TFDP2: variants seen among roughly 807,000 people sequenced by gnomAD.
TFDP2 encodes transcription factor Dp-2, also known as transcription factor Dp-2 (E2F dimerization partner 2).
Under a neutral mutation model 59.3 loss-of-function variants are expected in TFDP2, and 17 were observed. The ratio of observed to expected loss-of-function variants is 0.29; its 90% confidence interval spans 0.20 to 0.43. The LOEUF (loss-of-function observed/expected upper bound fraction) is 0.43, where lower values mean the gene tolerates loss of function less well. Among genes scored for constraint, TFDP2 ranks in the 20% least tolerant of loss-of-function variants. The pLI, the probability that TFDP2 is intolerant of heterozygous loss-of-function variation, is 1.00. For synonymous variants in TFDP2, 180 were observed against 194.7 expected, an observed-to-expected ratio of 0.92 and a Z score of 0.63; for missense variants, 391 against 528.8, an observed-to-expected ratio of 0.74 and a Z score of 2.56.
chr3:142,051,405 G>A (rs1304007415), intron 3 of TFDP2, among the ~76,000 whole-genome samples: 1 of 152,110 alleles, frequency 6.6e-6, no homozygotes, highest in Non-Finnish European at 1.5e-5. Flanking sequence ...TGGGCGTGGT[G>A]GTGTGCACCT....
intron 3 of TFDP2, among the ~76,000 whole-genome samples, chr3:142,011,660 A>T (rs1257692152): frequency 6.6e-6 from 1 of 151,920 alleles, no homozygotes; most frequent in Non-Finnish European, 1.5e-5. Context: ...AACTTTTTTA[A>T]AAAGGAAACC....
intron 4 of TFDP2, chr3:142,000,419 A>G (rs999666610): frequency 1.4e-5 from 9 of 640,168 alleles, no homozygotes; most frequent in Admixed American, 1.4e-4. Context: ...AATTCCACTC[A>G]TAAGGGTGAA....
chr3:141,950,401 AT>A lies in TFDP2; in HGVS notation c.*2111del, dbSNP rs1468546973. ...GGCCAATGATGGGGCACCAATAAGG[AT>A]AAGAGTCTTTGGCGGCTTTCTTTTT... On this transcript the variant is annotated 3_prime_UTR_variant, in exon 13 of 13. Transcript: ENST00000489671. 1 of 152,282 alleles carries A rather than the reference AT, an allele frequency of 6.6e-6. No homozygotes were observed. The allele number at this position is 152,282 out of a possible 1,614,324, so 9.4% of individuals were successfully genotyped here.
At chr3:142,010,236 C>T (rs757079156) in intron 3 of TFDP2, among the ~76,000 whole-genome samples, 2 of 152,108 alleles carry the variant, frequency 1.3e-5, no homozygotes, top group Admixed American at 6.6e-5. Flanking sequence ...GCAATACTCC[C>T]ATATAAAAAT....
intron 3 of TFDP2, among the ~76,000 whole-genome samples, chr3:142,054,370 C>G (rs891452652): frequency 6.6e-6 from 1 of 152,068 alleles, no homozygotes; most frequent in Non-Finnish European, 1.5e-5. Flanking sequence ...ATGCTAAGTA[C>G]AAGAATCCAG....
intron 1 of TFDP2, among the ~76,000 whole-genome samples, chr3:142,117,166 C>T (rs1254481583): frequency 6.6e-6 from 1 of 152,096 alleles, no homozygotes; most frequent in Non-Finnish European, 1.5e-5. Flanking sequence ...AGTGATCTGC[C>T]CGCCTCCACC....
intron 3 of TFDP2, among the ~76,000 whole-genome samples, chr3:142,053,725 T>C (rs1199749661): frequency 6.6e-6 from 1 of 152,090 alleles, no homozygotes; most frequent in Non-Finnish European, 1.5e-5. Flanking sequence ...AAAAGACACA[T>C]GACAGCCTGG....
intron 4 of TFDP2, among the ~76,000 whole-genome samples, chr3:141,998,830 T>C (rs1943515417): frequency 6.6e-6 from 1 of 152,082 alleles, no homozygotes; most frequent in Non-Finnish European, 1.5e-5. Context: ...ACTCTGAACA[T>C]TTTCCTGCCC....
At chr3:141,956,165 G>C (rs984818373) in intron 11 of TFDP2, among the ~76,000 whole-genome samples, 1 of 152,060 alleles carries the variant, frequency 6.6e-6, no homozygotes, top group African/African-American at 2.4e-5. Flanking sequence ...AGGAAAATCA[G>C]GAAGATTTCT....
At position 142,127,270 on chromosome 3, in the gene TFDP2, G is replaced by C. The variant is rs192437399; in HGVS notation, c.-93+21913C>G. ...CACACCTCAACCTTCTGAGTCGCTAGGACTACAGACAGACATGTTTCACTA... is the reference window on the plus strand; with the variant it reads ...CACACCTCAACCTTCTGAGTCGCTACGACTACAGACAGACATGTTTCACTA... On this transcript the variant is annotated intron_variant, in intron 1 of 12. Transcript: ENST00000489671. Among the ~76,000 whole-genome samples, 211 of 147,472 alleles carry C rather than the reference G, an allele frequency of 1.4e-3. 1 individual carries two copies. The highest frequency in any genetic ancestry group is 3.9e-3 in the Admixed American group (58 of 14,698).
intron 3 of TFDP2, among the ~76,000 whole-genome samples, chr3:142,031,790 C>A (rs539886235): frequency 6.6e-5 from 10 of 152,278 alleles, no homozygotes; most frequent in African/African-American, 2.4e-4. Context: ...ATTTAACAGA[C>A]ACATTTATGA....
At chr3:142,135,812 C>T (rs1041045954) in intron 1 of TFDP2, among the ~76,000 whole-genome samples, 8 of 152,048 alleles carry the variant, frequency 5.3e-5, no homozygotes, top group Admixed American at 3.3e-4. Context: ...CATTGATGGA[C>T]ATTTGGGTTG....
At chr3:141,997,943 T>C (rs990413970) in intron 4 of TFDP2, among the ~76,000 whole-genome samples, 3 of 150,264 alleles carry the variant, frequency 2.0e-5, no homozygotes, top group Admixed American at 6.6e-5. Flanking sequence ...TTTATGAAAA[T>C]GACTTTGAAA....
chr3:142,049,297 G>A (rs964339316), intron 3 of TFDP2, among the ~76,000 whole-genome samples: 2 of 152,212 alleles, frequency 1.3e-5, no homozygotes, highest in Non-Finnish European at 2.9e-5. Context: ...ATGAATGGCA[G>A]AAGGTTGATT....
chr3:142,011,641 AAAAC>A (rs1359547298), intron 3 of TFDP2, among the ~76,000 whole-genome samples: 1 of 151,838 alleles, frequency 6.6e-6, no homozygotes, highest in Non-Finnish European at 1.5e-5. Flanking sequence ...GGAAAAAAAA[AAAAC>A]AACAAACTTT....
chr3:142,054,518 C>A (rs1342863673), intron 3 of TFDP2, among the ~76,000 whole-genome samples: 1 of 152,190 alleles, frequency 6.6e-6, no homozygotes, highest in African/African-American at 2.4e-5. Context: ...CTTAAATCAA[C>A]TATAAACCCT....
chr3:142,123,174 G>A (rs563116583), intron 1 of TFDP2, among the ~76,000 whole-genome samples: 18 of 152,232 alleles, frequency 1.2e-4, no homozygotes, highest in Admixed American at 2.0e-4. Context: ...TCTGACCGAC[G>A]CCCAGGCTGG....
chr3:141,979,730 A>G (rs1170447731), intron 6 of TFDP2, among the ~76,000 whole-genome samples: 1 of 152,070 alleles, frequency 6.6e-6, no homozygotes, highest in Non-Finnish European at 1.5e-5. Context: ...CTGGGATTAC[A>G]GGTGTGCACC....
chr3:142,101,761 TTCTATTTAA>T lies in TFDP2; in HGVS notation c.-21_-13del. 7.5e-7 allele frequency: 1 copy of T among 1,335,236 alleles called. No individual in the cohort carries two copies. The allele number at this position is 1,335,236 out of a possible 1,614,324, so 82.7% of individuals were successfully genotyped here. On this transcript the variant is annotated 5_prime_UTR_variant, in exon 2 of 13. It removes the in-frame stop codon of an upstream open reading frame in the 5' UTR. Coordinates refer to ENST00000489671, the MANE Select transcript of TFDP2 (RefSeq NM_001178139.2). Reference sequence around the variant, plus strand: ...TTTTTTGCCGTCATGTCAAACTGTATTCTATTTAAGATTCTGTAAAGCCATTAAAAAAAT... The same window carrying T: ...TTTTTTGCCGTCATGTCAAACTGTATGATTCTGTAAAGCCATTAAAAAAAT...
Sources: gnomAD v4.1 joint callset for allele counts (sites outside exome capture counted in the v4.1 genomes callset) on GRCh38, gnomAD v4.1.1 for gene constraint, MANE v1.5 for transcripts, NCBI Gene and HGNC (gene_info 2026-07-23, HGNC 2026-07-21) for gene names.